SLC9A9: variants seen among roughly 807,000 people sequenced by gnomAD.
The protein encoded by SLC9A9 is solute carrier family 9 member A9, also known as sodium/hydrogen exchanger 9.
SLC9A9 carries 62 observed loss-of-function variants against 77.8 expected under a neutral mutation model. The observed-to-expected ratio is 0.80, with a 90% CI of 0.65 to 0.98. SLC9A9 has a LOEUF of 0.98. Among genes scored for constraint, SLC9A9 ranks in the 50% least tolerant of loss-of-function variants. The pLI is 0.00. For synonymous variants in SLC9A9, 320 were observed against 283.5 expected (o/e 1.13, Z -1.29); for missense variants, 775 against 774.9 (o/e 1.00, Z 0.00).
At chr3:143,487,665 A>T (rs1206812082) in intron 11 of SLC9A9, among the ~76,000 whole-genome samples, 1 of 151,938 alleles carries the variant, frequency 6.6e-6, no homozygotes, top group African/African-American at 2.4e-5. Context: ...CAAGAATAAA[A>T]TCAGAAGAAA....
At chr3:143,504,310 A>G (rs1162287339) in intron 9 of SLC9A9, 2 of 189,468 alleles carry the variant, frequency 1.1e-5, no homozygotes, top group Admixed American at 6.1e-5. Context: ...GCACGAGAAG[A>G]TGTGGCTGTC....
At chr3:143,314,998 T>C (rs2031157294) in intron 14 of SLC9A9, among the ~76,000 whole-genome samples, 1 of 152,224 alleles carries the variant, frequency 6.6e-6, no homozygotes, top group Admixed American at 6.5e-5. Flanking sequence ...CATAAAATAC[T>C]GTTTGGTTTT....
At chr3:143,541,137 G>A (rs1028994345) in intron 9 of SLC9A9, among the ~76,000 whole-genome samples, 2 of 152,130 alleles carry the variant, frequency 1.3e-5, no homozygotes, top group African/African-American at 2.4e-5. Context: ...CCAATTTTAC[G>A]GAATCGATTC....
chr3:143,340,750 A>G (rs532840695), intron 14 of SLC9A9, among the ~76,000 whole-genome samples: 1 of 152,320 alleles, frequency 6.6e-6, no homozygotes, highest in South Asian at 2.1e-4. Context: ...TCTCCTGGTC[A>G]GGTCTTATCT....
chr3:143,401,738 G>A (rs1167072803), intron 12 of SLC9A9, among the ~76,000 whole-genome samples: 2 of 152,080 alleles, frequency 1.3e-5, no homozygotes, highest in Non-Finnish European at 2.9e-5. Flanking sequence ...TACAGGTTGT[G>A]GCATCTGACA....
chr3:143,448,281 C>G (rs1314087460), intron 12 of SLC9A9, among the ~76,000 whole-genome samples: 1 of 152,048 alleles, frequency 6.6e-6, no homozygotes, highest in African/African-American at 2.4e-5. Flanking sequence ...ATGTGATGAA[C>G]AACTAGATGA....
chr3:143,824,685 CAATA>C (rs1276539577), intron 2 of SLC9A9, among the ~76,000 whole-genome samples: 2 of 152,066 alleles, frequency 1.3e-5, no homozygotes, highest in African/African-American at 2.4e-5. Flanking sequence ...GGCAAGTGCT[CAATA>C]AATAAATATT....
At chr3:143,396,194 C>G (rs2033724355) in intron 12 of SLC9A9, among the ~76,000 whole-genome samples, 1 of 152,198 alleles carries the variant, frequency 6.6e-6, no homozygotes, top group South Asian at 2.1e-4. Context: ...GACTTGGAAC[C>G]AACCCAAATG....
intron 12 of SLC9A9, among the ~76,000 whole-genome samples, chr3:143,404,346 AT>A (rs1205413923): frequency 6.6e-6 from 1 of 151,510 alleles, no homozygotes; most frequent in Non-Finnish European, 1.5e-5. Flanking sequence ...ATTTTTTTGT[AT>A]TTTTAGTAGA....
chr3:143,684,484 T>C (rs2108775895), intron 5 of SLC9A9, among the ~76,000 whole-genome samples: 1 of 152,196 alleles, frequency 6.6e-6, no homozygotes, highest in African/African-American at 2.4e-5. Flanking sequence ...GTCTACCCAA[T>C]TTAGGAACAT....
intron 4 of SLC9A9, among the ~76,000 whole-genome samples, chr3:143,743,411 A>G (rs1211706459): frequency 6.6e-6 from 1 of 152,214 alleles, no homozygotes; most frequent in Non-Finnish European, 1.5e-5. Context: ...CAAAAGCCTC[A>G]GAAATGGAAG....
intron 14 of SLC9A9, among the ~76,000 whole-genome samples, chr3:143,301,287 C>T (rs968328650): frequency 2.0e-5 from 3 of 152,210 alleles, no homozygotes; most frequent in Non-Finnish European, 4.4e-5. Context: ...AATATTCAAA[C>T]TATAGTCTTC....
intron 5 of SLC9A9, among the ~76,000 whole-genome samples, chr3:143,661,915 A>T (rs1576641696): frequency 6.6e-6 from 1 of 151,478 alleles, no homozygotes; most frequent in African/African-American, 2.4e-5. Context: ...CTTATCGAGC[A>T]CCTGCTGTGT....
At chr3:143,712,612 T>C (rs539278038) in intron 4 of SLC9A9, among the ~76,000 whole-genome samples, 1 of 142,472 alleles carries the variant, frequency 7.0e-6, no homozygotes, top group South Asian at 2.1e-4. Flanking sequence ...GGGCATAATG[T>C]CCTCCTTTAG....
chr3:143,797,540 A>C (rs755622439), intron 2 of SLC9A9, among the ~76,000 whole-genome samples: 9 of 152,188 alleles, frequency 5.9e-5, no homozygotes, highest in Non-Finnish European at 1.2e-4. Context: ...AAAGAAGTGA[A>C]AATGGCCGGT....
intron 14 of SLC9A9, among the ~76,000 whole-genome samples, chr3:143,293,981 TGA>T (rs760622573): frequency 1.3e-5 from 2 of 152,082 alleles, no homozygotes; most frequent in African/African-American, 2.4e-5. Context: ...ACAAATACAA[TGA>T]GATAATAAAA....
chr3:143,497,606 C>G (rs2035856909), intron 9 of SLC9A9, among the ~76,000 whole-genome samples: 1 of 152,122 alleles, frequency 6.6e-6, no homozygotes, highest in African/African-American at 2.4e-5. Context: ...GAAATGGCCG[C>G]CTGAAAGAGA....
chr3:143,508,156 G>A (rs1026761360), intron 9 of SLC9A9, among the ~76,000 whole-genome samples: 5 of 152,180 alleles, frequency 3.3e-5, no homozygotes, highest in African/African-American at 1.2e-4. Context: ...AGTAACAACT[G>A]TTTAAGACAT....
At chr3:143,431,828 A>G (rs2034523022) in intron 12 of SLC9A9, among the ~76,000 whole-genome samples, 1 of 151,812 alleles carries the variant, frequency 6.6e-6, no homozygotes, top group East Asian at 1.9e-4. Context: ...ACTCTCCTAC[A>G]TGCTCACCCT....
Sources: gnomAD v4.1 joint callset for allele counts (sites outside exome capture counted in the v4.1 genomes callset) on GRCh38, gnomAD v4.1.1 for gene constraint, MANE v1.5 for transcripts, NCBI Gene and HGNC (gene_info 2026-07-23, HGNC 2026-07-21) for gene names.